PLEKHG5: variants seen among roughly 807,000 people sequenced by gnomAD.
PLEKHG5 encodes the protein pleckstrin homology and RhoGEF domain containing G5.
Under a neutral mutation model 103.8 loss-of-function variants are expected in PLEKHG5, and 52 were observed. That is an observed-to-expected ratio of 0.50 (90% CI 0.40 to 0.63). The LOEUF (loss-of-function observed/expected upper bound fraction) is 0.63, where lower values mean the gene tolerates loss of function less well. Ranked by LOEUF, PLEKHG5 falls within the 30% of genes least tolerant of loss-of-function variation. The pLI, the probability that PLEKHG5 is intolerant of heterozygous loss-of-function variation, is 0.00. For synonymous variants in PLEKHG5, 592 were observed against 575.5 expected, an observed-to-expected ratio of 1.03 and a Z score of -0.41; for missense variants, 1,205 against 1,347.6, an observed-to-expected ratio of 0.89 and a Z score of 1.66.
upstream of PLEKHG5, chr1:6,496,937 C>T (rs769962562): frequency 4.0e-6 from 6 of 1,510,692 alleles, 1 homozygote; most frequent in South Asian, 7.4e-5. Flanking sequence ...GCTCCAAGAT[C>T]CCAGATCCCT....
rs553151077 is a variant in PLEKHG5, at chr1:6,469,651, G to A, written c.1826C>T (p.Thr609Met). The change falls in exon 17 of 21, where the codon ACG becomes ATG. Residue 609 changes from threonine (T) to methionine (M), a missense_variant. Physicochemically the swap from Thr to Met is moderately conservative, Grantham distance 81. Coordinates refer to ENST00000377728, the MANE Select transcript of PLEKHG5 (RefSeq NM_020631.6). ...TGCTTTGGTCACCAACAGCAGATCC[G>A]TGAAGAGGAAGCAGTACACATCCAT... The part of the protein sequence containing the change: ...SKMDVYCFLF[T>M]DLLLVTKAVK... The A allele has an allele frequency of 7.4e-6, 12 of 1,613,422 alleles. No individual in the cohort carries two copies. The highest frequency in any genetic ancestry group is 6.7e-5 in the African/African-American group (5 of 74,930).
At chr1:6,482,841 T>C (rs1644937417) in intron 1 of PLEKHG5, among the ~76,000 whole-genome samples, 1 of 152,136 alleles carries the variant, frequency 6.6e-6, no homozygotes, top group Non-Finnish European at 1.5e-5. Flanking sequence ...CCCAAGTAAC[T>C]GGGACTACAA....
intron 14 of PLEKHG5, 40 bp downstream of exon 14, chr1:6,470,695 C>T: frequency 1.3e-6 from 2 of 1,552,370 alleles, no homozygotes; most frequent in Non-Finnish European, 8.7e-7. Context: ...GAGCAGAGAG[C>T]CGCGCAGGGG....
At chr1:6,516,785 G>GTT (rs200052456) in intron 1 of PLEKHG5, among the ~76,000 whole-genome samples, 1 of 98,508 alleles carries the variant, frequency 1.0e-5, no homozygotes, top group East Asian at 3.0e-4. Flanking sequence ...ATGTGTGTGT[G>GTT]TTATATATAT....
exon 1 of PLEKHG5, chr1:6,519,943 C>T (rs998514679): frequency 1.5e-5 from 4 of 259,758 alleles, no homozygotes; most frequent in African/African-American, 8.9e-5. Context: ...ACCCCGGCCT[C>T]TGCAATCCCA....
At position 6,467,152 on chromosome 1, in the gene PLEKHG5, C is replaced by G. The variant is rs1265445278; in HGVS notation, c.*411G>C. On this transcript the variant is annotated 3_prime_UTR_variant, in exon 21 of 21. Transcript: ENST00000377728. ...TCTAGACAAGTCTTTATAAAAGAAC[C>G]AAAAGCTCAATAAATACGTAACTTC... 2.8e-6 allele frequency: 1 copy of G among 351,274 alleles called. No individual in the cohort carries two copies. The highest frequency in any genetic ancestry group is 7.2e-5 in the East Asian group (1 of 13,876). The allele number at this position is 351,274 out of a possible 1,614,324, so 21.8% of individuals were successfully genotyped here. A position where few individuals can be genotyped will look rare whatever the true frequency, so the allele number is the denominator to read the frequency against.
intron 1 of PLEKHG5, among the ~76,000 whole-genome samples, chr1:6,513,681 C>A (rs150644475): frequency 6.6e-6 from 1 of 152,230 alleles, no homozygotes; most frequent in African/African-American, 2.4e-5. Context: ...CTCCCAACCA[C>A]GGAAAAGACA....
intron 19 of PLEKHG5, 74 bp downstream of exon 19, chr1:6,468,968 G>A: frequency 8.1e-7 from 1 of 1,239,640 alleles, no homozygotes; most frequent in Non-Finnish European, 1.2e-6. Flanking sequence ...AGGGAGCGTG[G>A]CTGGGCCTTC....
At chr1:6,492,458 G>A (rs764066300), upstream of PLEKHG5, among the ~76,000 whole-genome samples, 25 of 152,058 alleles carry the variant, frequency 1.6e-4, no homozygotes, top group African/African-American at 5.1e-4. Context: ...TTGATCTCCC[G>A]GCCTTTCTCC....
At chr1:6,475,172 TCTC>T (rs1262195096) in intron 4 of PLEKHG5, 34 bp from the exon 5 acceptor site, 1 of 1,217,414 alleles carries the variant, frequency 8.2e-7, no homozygotes, top group Non-Finnish European at 1.2e-6. Flanking sequence ...GCTGTGAGCT[TCTC>T]CTCACCGCCC....
chr1:6,468,988 G>T, intron 19 of PLEKHG5, 54 bp downstream of exon 19: 1 of 1,458,166 alleles, frequency 6.9e-7, no homozygotes, highest in Non-Finnish European at 9.6e-7. Context: ...CAGGAGTCCT[G>T]GGCTAGAGTA....
upstream of PLEKHG5, chr1:6,497,376 A>C: frequency 9.2e-7 from 1 of 1,090,522 alleles, no homozygotes; most frequent in Middle Eastern, 3.8e-4. The surrounding 1 kb of genome is among the most constrained non-coding windows in gnomAD (Gnocchi z 6.1). Flanking sequence ...GGCGCCGGGG[A>C]CGCCGGGGAC....
rs567704618 is a variant in PLEKHG5 at position 6,489,641 on chromosome 1, G to A, written c.-88+1996C>T. Among the ~76,000 whole-genome samples, 9 of 152,286 alleles carry A rather than the reference G, an allele frequency of 5.9e-5. No individual in the cohort carries two copies. In the East Asian group the frequency reaches 9.7e-4, roughly 16 times the overall value. ...CACCTGGACTAGCAAGCCCTTCCCCGGTGCAACTTAGAAGCCTCCTTGGTA... is the reference window on the plus strand; with the variant it reads ...CACCTGGACTAGCAAGCCCTTCCCCAGTGCAACTTAGAAGCCTCCTTGGTA... On this transcript the variant is annotated intron_variant, in intron 1 of 20. Coordinates refer to ENST00000377728, the MANE Select transcript of PLEKHG5 (RefSeq NM_020631.6).
At position 6,470,818 on chromosome 1, in the gene PLEKHG5, G is replaced by A; in HGVS notation, c.1459C>T (p.Arg487Trp). The change falls in exon 14 of 21, where the codon CGG becomes TGG. Residue 487 changes from arginine to tryptophan, a missense_variant. Transcript: ENST00000377728. The part of the protein sequence containing the change: ...LSDMLAKPHQ[R>W]LTKYPLLLKS... ...AGCAGCAGCGGGTACTTGGTGAGCC[G>A]CTGGTGGGGTTTGGCCAGCATGTCG... 2 of 1,577,754 alleles carry A rather than the reference G, an allele frequency of 1.3e-6. No individual in the cohort carries two copies. The highest frequency in any genetic ancestry group is 8.6e-7 in the Non-Finnish European group (1 of 1,162,100).
intron 2 of PLEKHG5, 71 bp downstream of exon 2, chr1:6,477,458 G>A (rs1398504911): frequency 1.3e-5 from 19 of 1,517,860 alleles, no homozygotes; most frequent in Middle Eastern, 3.4e-4. Flanking sequence ...GCCCTAGCAC[G>A]TTTCCGACAG....
At chr1:6,511,649 G>A (rs552090080) in intron 1 of PLEKHG5, among the ~76,000 whole-genome samples, 2 of 152,244 alleles carry the variant, frequency 1.3e-5, no homozygotes, top group African/African-American at 4.8e-5. Flanking sequence ...ATGTGAGATG[G>A]GGGACTGAGG....
chr1:6,491,019 A>G lies in PLEKHG5; in HGVS notation c.-88+618T>C, dbSNP rs988703972. The stretch of plus-strand genomic sequence containing the variant: ...CCTGAGCCAGGTTCGCTTCCGCTCT[A>G]TTGTAAAAAGCTGGATTCTGATCTG... On this transcript the variant is annotated intron_variant, in intron 1 of 20. Coordinates refer to ENST00000377728, the MANE Select transcript of PLEKHG5 (RefSeq NM_020631.6). The surrounding 1 kb of genome is among the most constrained non-coding windows in gnomAD (Gnocchi z 4.1). Among the ~76,000 whole-genome samples, 4 of 151,742 alleles carry G rather than the reference A, an allele frequency of 2.6e-5. No individual in the cohort carries two copies. The highest frequency in any genetic ancestry group is 9.7e-5 in the African/African-American group (4 of 41,276).
At chr1:6,485,086 C>T (rs1644994259) in intron 1 of PLEKHG5, among the ~76,000 whole-genome samples, 1 of 152,098 alleles carries the variant, frequency 6.6e-6, no homozygotes, top group Non-Finnish European at 1.5e-5. Context: ...ACACAAAGCG[C>T]CAAGAATTGG....
At chr1:6,516,596 G>A (rs1638620428) in intron 1 of PLEKHG5, among the ~76,000 whole-genome samples, 1 of 151,876 alleles carries the variant, frequency 6.6e-6, no homozygotes, top group Admixed American at 6.6e-5. Context: ...GGTGGGGGTT[G>A]CAGTGAGCCG....
Sources: allele counts gnomAD v4.1 joint callset (sites outside exome capture counted in the v4.1 genomes callset), GRCh38; gene constraint gnomAD v4.1.1; non-coding constraint Gnocchi (gnomAD v3.1); transcripts MANE v1.5; gene names NCBI Gene and HGNC (gene_info 2026-07-23, HGNC 2026-07-21).